Variants in XIRP2 observed in about 807,000 individuals in gnomAD.
XIRP2 encodes xin actin binding repeat containing 2, also known as xin actin-binding repeat-containing protein 2.
Under a neutral mutation model 277.0 loss-of-function variants are expected in XIRP2, and 236 were observed. The observed-to-expected ratio is 0.85, with a 90% CI of 0.77 to 0.95. XIRP2 has a LOEUF of 0.95. Among genes scored for constraint, XIRP2 ranks in the 40% least tolerant of loss-of-function variants. The pLI is 0.00. For missense variants in XIRP2, 4,640 were observed against 4,157.5 expected (o/e 1.12, Z -3.19); for synonymous variants, 1,490 against 1,416.5 (o/e 1.05, Z -1.17).
chr2:166,998,328 A>C (rs1396871270), intron 2 of XIRP2, among the ~76,000 whole-genome samples: 1 of 152,152 alleles, frequency 6.6e-6, no homozygotes, highest in East Asian at 1.9e-4. Flanking sequence ...CCAAGATGTT[A>C]AGTTCCTATG....
At chr2:166,931,208 G>A (rs1360727432) in intron 2 of XIRP2, among the ~76,000 whole-genome samples, 2 of 152,158 alleles carry the variant, frequency 1.3e-5, no homozygotes, top group Non-Finnish European at 2.9e-5. Flanking sequence ...ACTTGCAATT[G>A]TAATGCAGTG....
chr2:167,205,001 G>T (rs747730199), intron 3 of XIRP2, among the ~76,000 whole-genome samples: 4 of 152,084 alleles, frequency 2.6e-5, no homozygotes, highest in Non-Finnish European at 5.9e-5. Context: ...AATTTTCCCA[G>T]CACAATTTGT....
At chr2:166,963,146 A>T (rs1363579433) in intron 2 of XIRP2, among the ~76,000 whole-genome samples, 1 of 151,838 alleles carries the variant, frequency 6.6e-6, no homozygotes, top group African/African-American at 2.4e-5. Flanking sequence ...TCAATTAAAA[A>T]TTATTAAAAC....
At chr2:167,170,835 C>A (rs1692666421) in intron 3 of XIRP2, among the ~76,000 whole-genome samples, 1 of 149,352 alleles carries the variant, frequency 6.7e-6, no homozygotes, top group Non-Finnish European at 1.5e-5. Flanking sequence ...CTTGCTTTCA[C>A]TTTATTTTAC....
chr2:166,978,123 T>A (rs954457835), intron 2 of XIRP2, among the ~76,000 whole-genome samples: 2 of 152,180 alleles, frequency 1.3e-5, no homozygotes, highest in African/African-American at 4.8e-5. Flanking sequence ...ATATTATTGT[T>A]CAAAAATATT....
At position 167,014,634 on chromosome 2, in the gene XIRP2, A is replaced by T. The variant is rs373357518; in HGVS notation, c.408+110744A>T. The stretch of plus-strand genomic sequence containing the variant: ...ACATCAGATAGTGAAAAAAAAGGAA[A>T]TACATTATAAAAGTTAATTCCTCAG... On this transcript the variant is annotated intron_variant, in intron 2 of 10. Coordinates refer to ENST00000409195, the MANE Select transcript of XIRP2 (RefSeq NM_152381.6). Among the ~76,000 whole-genome samples, 111 of 151,916 alleles carry T rather than the reference A, an allele frequency of 7.3e-4. 1 individual carries two copies. Among genetic ancestry groups the T allele is most frequent in the African/African-American group, 2.6e-3 (109 of 41,526 alleles).
chr2:166,894,855 A>AAGAACATAT (rs1238077159), intron 1 of XIRP2, among the ~76,000 whole-genome samples: 1 of 152,210 alleles, frequency 6.6e-6, no homozygotes, highest in African/African-American at 2.4e-5. Flanking sequence ...GTGAACAGAG[A>AAGAACATAT]AGAACATATT....
chr2:166,895,598 AC>A (rs76267593), intron 1 of XIRP2, among the ~76,000 whole-genome samples: 1 of 143,516 alleles, frequency 7.0e-6, no homozygotes, highest in Admixed American at 7.3e-5. Context: ...CAGCAGGGTC[AC>A]TGCCTGCCAC....
chr2:166,908,083 A>G (rs1259250684), intron 2 of XIRP2, among the ~76,000 whole-genome samples: 2 of 152,134 alleles, frequency 1.3e-5, no homozygotes, highest in Non-Finnish European at 2.9e-5. Context: ...ATATGTGTGC[A>G]TATGTCTTTA....
rs550529718 is a variant in XIRP2, at chr2:166,975,930, C to CAAAAAAAAAAA, written c.408+72061_408+72071dup. Among the ~76,000 whole-genome samples, 34 of 45,708 alleles carry CAAAAAAAAAAA rather than the reference C, an allele frequency of 7.4e-4. 2 individuals carry two copies. The highest frequency in any genetic ancestry group is 1.1e-3 in the Non-Finnish European group (26 of 23,766). 30.0% of individuals were successfully genotyped at this position (45,708 alleles called of 152,430 possible). ...TGGGTGACAGAGCGAGACTCCGTCTCAAAAAAAAAAAAAAAAAAAAAAAAA... is the reference window on the plus strand; with the variant it reads ...TGGGTGACAGAGCGAGACTCCGTCTCAAAAAAAAAAAAAAAAAAAAAAAAAAAAAAAAAAAA... On this transcript the variant is annotated intron_variant, in intron 2 of 10. Transcript: ENST00000409195.
chr2:166,923,024 T>TA lies in XIRP2; in HGVS notation c.408+19144dup, dbSNP rs1039142693. On this transcript the variant is annotated intron_variant, in intron 2 of 10. Coordinates refer to ENST00000409195, the MANE Select transcript of XIRP2 (RefSeq NM_152381.6). ...ATCTGAGTTGCTTTTCTACTAAAAT[T>TA]AAAAAAAAAAGTGTAAGTGGCATTC... 3.3e-3 allele frequency among the ~76,000 whole-genome samples: 484 copies of TA among 147,084 alleles called. 3 individuals are homozygous for TA. The highest frequency in any genetic ancestry group is 0.011 in the African/African-American group (436 of 40,230).
intron 2 of XIRP2, among the ~76,000 whole-genome samples, chr2:166,918,958 A>G (rs1381212856): frequency 2.0e-5 from 3 of 152,048 alleles, no homozygotes; most frequent in African/African-American, 7.2e-5. Context: ...CTGAACTTAG[A>G]AGTATGTAAT....
At chr2:166,941,710 A>G (rs1422541077) in intron 2 of XIRP2, among the ~76,000 whole-genome samples, 1 of 152,188 alleles carries the variant, frequency 6.6e-6, no homozygotes, top group Non-Finnish European at 1.5e-5. Flanking sequence ...GTTTCTACAT[A>G]TGTTTCTTCT....
At chr2:166,932,212 C>A (rs1391975715) in intron 2 of XIRP2, among the ~76,000 whole-genome samples, 2 of 150,974 alleles carry the variant, frequency 1.3e-5, no homozygotes, top group East Asian at 3.9e-4. Flanking sequence ...CTCTCTCTCT[C>A]TCTCTTTTTT....
chr2:167,104,577 G>T (rs181192455), intron 2 of XIRP2, among the ~76,000 whole-genome samples: 89 of 152,100 alleles, frequency 5.9e-4, no homozygotes, highest in African/African-American at 2.1e-3. Flanking sequence ...TGTTTCTTAG[G>T]AATATTAACT....
intron 2 of XIRP2, among the ~76,000 whole-genome samples, chr2:166,975,930 CAAAAAAAAAAAAAAAAA>C (rs550529718): frequency 6.6e-5 from 3 of 45,710 alleles, no homozygotes; most frequent in African/African-American, 2.4e-4. Context: ...GACTCCGTCT[CAAAAAAAAAAAAAAAAA>C]AAAAAAAAAA....
At chr2:167,190,853 C>T (rs921489094) in intron 3 of XIRP2, among the ~76,000 whole-genome samples, 3 of 152,108 alleles carry the variant, frequency 2.0e-5, no homozygotes, top group African/African-American at 7.2e-5. Flanking sequence ...GTGAGCACCA[C>T]AGAAGGTAAT....
chr2:167,091,679 C>T (rs1690152708), intron 2 of XIRP2, among the ~76,000 whole-genome samples: 1 of 151,958 alleles, frequency 6.6e-6, no homozygotes, highest in African/African-American at 2.4e-5. Context: ...GATCTTGTGG[C>T]CCTATAGCTT....
At chr2:167,126,925 G>A (rs1332017179) in intron 2 of XIRP2, among the ~76,000 whole-genome samples, 10 of 152,180 alleles carry the variant, frequency 6.6e-5, no homozygotes, top group African/African-American at 2.4e-4. Context: ...TGCCTGATAT[G>A]TAATGAGCGT....
Sources: gnomAD v4.1 joint callset for allele counts (sites outside exome capture counted in the v4.1 genomes callset) on GRCh38, gnomAD v4.1.1 for gene constraint, MANE v1.5 for transcripts, NCBI Gene and HGNC (gene_info 2026-07-23, HGNC 2026-07-21) for gene names.